The following ITM2C variants were observed in gnomAD, a reference collection of about 807,000 sequenced individuals.
ITM2C encodes BRICHOS domain containing 2C.
A neutral mutation model predicts 30.0 loss-of-function variants in ITM2C; 20 were observed. That is an observed-to-expected ratio of 0.67 (90% CI 0.47 to 0.97). The LOEUF (loss-of-function observed/expected upper bound fraction) is 0.97, where lower values mean the gene tolerates loss of function less well. ITM2C is among the 50% of genes least tolerant of loss of function. ITM2C has a pLI of 0.00. For missense variants in ITM2C, 366 were observed against 371.9 expected, an observed-to-expected ratio of 0.98 and a Z score of 0.13; for synonymous variants, 167 against 156.4, an observed-to-expected ratio of 1.07 and a Z score of -0.51.
chr2:230,872,505 T>C (rs972209490), intron 1 of ITM2C, among the ~76,000 whole-genome samples: 20 of 152,192 alleles, frequency 1.3e-4, no homozygotes, highest in Admixed American at 3.9e-4. Flanking sequence ...ATGGGTTAGG[T>C]TGGCTTCTTG....
chr2:230,874,591 G>A (rs565534949), intron 2 of ITM2C, among the ~76,000 whole-genome samples: 49 of 152,286 alleles, frequency 3.2e-4, no homozygotes, highest in African/African-American at 1.1e-3. Flanking sequence ...GACAGTATTC[G>A]GGGTGTCCAG....
At chr2:230,873,893 C>T (rs965280590) in intron 2 of ITM2C, among the ~76,000 whole-genome samples, 2 of 152,216 alleles carry the variant, frequency 1.3e-5, no homozygotes, top group Admixed American at 1.3e-4. Context: ...CAGCTCAGAC[C>T]CTGCACCTGC....
chr2:230,872,463 C>T (rs764091768), intron 1 of ITM2C, among the ~76,000 whole-genome samples: 17 of 152,116 alleles, frequency 1.1e-4, no homozygotes, highest in Non-Finnish European at 2.4e-4. Flanking sequence ...CACACACCTA[C>T]GTCCACCACC....
At chr2:230,869,808 G>A (rs150342408) in intron 1 of ITM2C, among the ~76,000 whole-genome samples, 567 of 152,290 alleles carry the variant, frequency 3.7e-3, no homozygotes, top group Non-Finnish European at 6.2e-3. Flanking sequence ...GCCCCTGTGG[G>A]TCTCAGTTTA....
intron 2 of ITM2C, among the ~76,000 whole-genome samples, chr2:230,875,415 A>T (rs768676764): frequency 1.3e-5 from 2 of 152,116 alleles, no homozygotes; most frequent in African/African-American, 4.8e-5. Context: ...GAATCAGCTC[A>T]TCTCCTCACT....
intron 1 of ITM2C, among the ~76,000 whole-genome samples, chr2:230,870,161 C>A (rs1207644803): frequency 2.0e-5 from 3 of 152,222 alleles, no homozygotes; most frequent in African/African-American, 7.2e-5. Context: ...GGTGTAAATA[C>A]CCCGAGATCA....
chr2:230,873,482 G>T lies in ITM2C; in HGVS notation c.186G>T (p.Ser62=). 2 of 1,610,748 alleles carry T rather than the reference G, an allele frequency of 1.2e-6. No individual in the cohort carries two copies. Among genetic ancestry groups the T allele is most frequent in the Non-Finnish European group, 1.7e-6 (2 of 1,178,498 alleles). The change falls in exon 2 of 6, where the codon TCG becomes TCT. Residue 62 remains serine, a synonymous_variant. Coordinates refer to ENST00000326427, the MANE Select transcript of ITM2C (RefSeq NM_030926.6). ...CAGTGGGCGGCGTGTGCTACCTGTC[G>T]ATGGGCATGGTCGTGCTGCTCATGG... is the stretch of plus-strand genomic sequence containing the variant. ...GGSVGGVCYL[S]MGMVVLLMGL... is the part of the protein sequence containing the mutation.
At chr2:230,872,632 G>A (rs1697192219) in intron 1 of ITM2C, among the ~76,000 whole-genome samples, 1 of 152,180 alleles carries the variant, frequency 6.6e-6, no homozygotes. Flanking sequence ...GAGCTCCCTG[G>A]TGGATGGAAG....
At position 230,871,626 on chromosome 2, in the gene ITM2C, C is replaced by T. The variant is rs148522582; in HGVS notation, c.121-1791C>T. On this transcript the variant is annotated intron_variant, in intron 1 of 5. Transcript: ENST00000326427. ...AGCAGGGCAAGGTGGGGAGAGGCCC[C>T]GGCCTCCTCATGGGCCAGGCAGTGC... 3.1e-3 allele frequency among the ~76,000 whole-genome samples: 474 copies of T among 152,328 alleles called. 2 individuals carry two copies. The highest frequency in any genetic ancestry group is 0.011 in the African/African-American group (450 of 41,580).
chr2:230,873,212 G>A (rs1697208005), intron 1 of ITM2C: 3 of 457,964 alleles, frequency 6.6e-6, no homozygotes, highest in Non-Finnish European at 7.5e-6. Flanking sequence ...TTTCTCTTTC[G>A]AGGTTTGTCT....
chr2:230,869,533 G>A (rs981535032), intron 1 of ITM2C, among the ~76,000 whole-genome samples: 1 of 152,230 alleles, frequency 6.6e-6, no homozygotes, highest in African/African-American at 2.4e-5. Flanking sequence ...TGGGGGAGGT[G>A]AGATGAGACT....
At chr2:230,875,141 C>T (rs1226698019) in intron 2 of ITM2C, among the ~76,000 whole-genome samples, 3 of 152,200 alleles carry the variant, frequency 2.0e-5, no homozygotes, top group Admixed American at 6.5e-5. Context: ...CTCTTAGGTT[C>T]GTCCTTGACC....
At position 230,877,870 on chromosome 2, in the gene ITM2C, A is replaced by G. The variant is rs1689957765; in HGVS notation, c.713-138A>G. 6 of 714,282 alleles carry G rather than the reference A, an allele frequency of 8.4e-6. No homozygotes were observed. The highest frequency in any genetic ancestry group is 7.4e-5 in the South Asian group (4 of 54,276). The allele number at this position is 714,282 out of a possible 1,614,324, so 44.2% of individuals were successfully genotyped here. ...TGACTCCAGCTTTCGAGCTCTCCCC[A>G]TTTCTCACTGTGCTCTTTGGGTGAA... On this transcript the variant is annotated intron_variant, in intron 5 of 5. Coordinates refer to ENST00000326427, the MANE Select transcript of ITM2C (RefSeq NM_030926.6). The surrounding 1 kb of genome is among the most constrained non-coding windows in gnomAD (Gnocchi z 4.8).
At position 230,865,311 on chromosome 2, in the gene ITM2C, G is replaced by T; in HGVS notation, c.120+166G>T. 1.4e-6 allele frequency: 1 copy of T among 694,420 alleles called. No homozygotes were observed. Among genetic ancestry groups the T allele is most frequent in the Non-Finnish European group, 2.0e-6 (1 of 491,372 alleles). 43.0% of individuals were successfully genotyped at this position (694,420 alleles called of 1,614,324 possible). On this transcript the variant is annotated intron_variant, in intron 1 of 5. Transcript: ENST00000326427. This position sits in a 1 kb window ranked among gnomAD's most constrained non-coding sequence, Gnocchi z 6.8. ...GTTGCTTATCCCAGAATGAGGAGGG[G>T]GCTTAAGTCCCGTACTAAAGCGGCA...
At position 230,877,619 on chromosome 2, in the gene ITM2C, G is replaced by A; in HGVS notation, c.712+69G>A. 2 of 1,547,884 alleles carry A rather than the reference G, an allele frequency of 1.3e-6. No homozygotes were observed. Among genetic ancestry groups the A allele is most frequent in the Non-Finnish European group, 8.8e-7 (1 of 1,130,254 alleles). Reference sequence around the variant, plus strand: ...CAGACCACAGTTATCTTCACGCCTAGCCCAGCTGTCAGAGAGCTCAGATAG... The same window carrying A: ...CAGACCACAGTTATCTTCACGCCTAACCCAGCTGTCAGAGAGCTCAGATAG... On this transcript the variant is annotated intron_variant, in intron 5 of 5. Coordinates refer to ENST00000326427, the MANE Select transcript of ITM2C (RefSeq NM_030926.6). This position sits in a 1 kb window ranked among gnomAD's most constrained non-coding sequence, Gnocchi z 4.8.
chr2:230,876,633 C>G (rs891008740), intron 3 of ITM2C, among the ~76,000 whole-genome samples: 1 of 152,196 alleles, frequency 6.6e-6, no homozygotes, highest in African/African-American at 2.4e-5. Context: ...AGGTGCCCAC[C>G]ACCACGCCTG....
chr2:230,874,861 CTGGCCTCCCTTA>C (rs1195447799), intron 2 of ITM2C, among the ~76,000 whole-genome samples: 1 of 152,208 alleles, frequency 6.6e-6, no homozygotes, highest in African/African-American at 2.4e-5. Flanking sequence ...ACCAGGCTGC[CTGGCCTCCCTTA>C]CTGATGGAGT....
At chr2:230,875,353 G>C (rs957673919) in intron 2 of ITM2C, among the ~76,000 whole-genome samples, 4 of 152,184 alleles carry the variant, frequency 2.6e-5, no homozygotes, top group Non-Finnish European at 4.4e-5. Flanking sequence ...GAACCTGGCA[G>C]ACCCAGCTCA....
Position 230,876,902 on chromosome 2 carries a change from A to G in ITM2C, c.496A>G (p.Ile166Val), listed in dbSNP as rs755886628. ...TATCTCCCTGGACAAGTGCTATGTCATCGAACTCAACACCACCATTGTGCT... is the reference window on the plus strand; with the variant it reads ...TATCTCCCTGGACAAGTGCTATGTCGTCGAACTCAACACCACCATTGTGCT... ...HDISLDKCYV[I>V]ELNTTIVLPP... Residue 166 changes from isoleucine (I) to valine (V), a missense_variant, in exon 4 of 6, where the codon ATC (isoleucine) becomes GTC (valine). By Grantham distance (29) the Ile-to-Val change is conservative. Transcript: ENST00000326427. 2.0e-5 allele frequency: 33 copies of G among 1,613,974 alleles called. No individual in the cohort carries two copies. Among genetic ancestry groups the G allele is most frequent in the Middle Eastern group, 1.6e-4 (1 of 6,084 alleles).
Sources: gnomAD v4.1 joint callset for allele counts (sites outside exome capture counted in the v4.1 genomes callset) on GRCh38, gnomAD v4.1.1 for gene constraint, Gnocchi (gnomAD v3.1) non-coding constraint, MANE v1.5 for transcripts, NCBI Gene and HGNC (gene_info 2026-07-23, HGNC 2026-07-21) for gene names.